The following NEK1 variants were observed in gnomAD, a reference collection of about 807,000 sequenced individuals.
NEK1 encodes the protein NIMA related kinase 1, also known as serine/threonine-protein kinase Nek1.
Under a neutral mutation model 182.1 loss-of-function variants are expected in NEK1, and 137 were observed. The ratio of observed to expected loss-of-function variants is 0.75; its 90% CI spans 0.65 to 0.87. The LOEUF (loss-of-function observed/expected upper bound fraction) is 0.87, where lower values mean the gene tolerates loss of function less well. NEK1 is among the 40% of genes least tolerant of loss of function. The pLI, the probability that NEK1 is intolerant of heterozygous loss-of-function variation, is 0.00. For missense variants in NEK1, 1,391 were observed against 1,494.4 expected (o/e 0.93, Z 1.14); for synonymous variants, 513 against 492.2 (o/e 1.04, Z -0.56).
At chr4:169,545,269 G>T (rs1760216219) in intron 18 of NEK1, among the ~76,000 whole-genome samples, 1 of 139,158 alleles carries the variant, frequency 7.2e-6, no homozygotes, top group South Asian at 2.2e-4. Flanking sequence ...TGATCTCATT[G>T]TTCAATTCCC....
chr4:169,479,253 A>G (rs1747537478), intron 24 of NEK1, 150 bp downstream of exon 24: 4 of 691,342 alleles, frequency 5.8e-6, no homozygotes, highest in Non-Finnish European at 4.6e-6. Flanking sequence ...AGGCTCCAGT[A>G]TTCTGAGTAA....
chr4:169,501,855 A>C (rs1189586611), intron 23 of NEK1, among the ~76,000 whole-genome samples: 1 of 152,232 alleles, frequency 6.6e-6, no homozygotes, highest in East Asian at 1.9e-4. Context: ...AAGAACAAAA[A>C]GAAACTAAAT....
intron 5 of NEK1, 35 bp downstream of exon 5, chr4:169,599,065 T>C (rs773049702): frequency 2.7e-6 from 4 of 1,506,826 alleles, no homozygotes; most frequent in East Asian, 2.3e-5. Context: ...TTCTCAATAA[T>C]AGAGTAAGAG....
At chr4:169,580,991 T>C in intron 10 of NEK1, 89 bp from the exon 11 acceptor site, 2 of 606,222 alleles carry the variant, frequency 3.3e-6, no homozygotes, top group Non-Finnish European at 5.7e-6. Flanking sequence ...CTTCCCCTTT[T>C]TCAGTAGTAA....
intron 26 of NEK1, among the ~76,000 whole-genome samples, chr4:169,468,869 G>A (rs1324046011): frequency 6.6e-6 from 1 of 151,924 alleles, no homozygotes; most frequent in East Asian, 1.9e-4. Flanking sequence ...GTCCAGGAAT[G>A]TATCTATTTC....
chr4:169,463,540 G>A (rs1579883188), intron 26 of NEK1, 145 bp from the exon 27 acceptor site: 2 of 446,852 alleles, frequency 4.5e-6, no homozygotes, highest in East Asian at 6.8e-5. Flanking sequence ...AAAGAATGAT[G>A]AATAATGGCA....
intron 27 of NEK1, among the ~76,000 whole-genome samples, chr4:169,457,073 G>C (rs770137989): frequency 7.2e-5 from 11 of 152,132 alleles, no homozygotes; most frequent in Non-Finnish European, 1.5e-4. Flanking sequence ...GGGTGGTGGT[G>C]GTGGGTGGTG....
At chr4:169,401,617 G>A (rs749492819) in intron 33 of NEK1, 35 bp downstream of exon 33, 1 of 1,580,452 alleles carries the variant, frequency 6.3e-7, no homozygotes. Context: ...TTTGTAAACT[G>A]AAAAAGAAAA....
rs537991908 is a variant in NEK1 at position 169,584,703 on chromosome 4, G to A, written c.807+646C>T. On this transcript the variant is annotated intron_variant, in intron 10 of 35. Coordinates refer to ENST00000507142, the MANE Select transcript of NEK1 (RefSeq NM_001199397.3). ...AAATATTTTGAGCACTTACATGCTA[G>A]ACATTAAGCACTTTATGTGTATTAT... Among the ~76,000 whole-genome samples the A allele has an allele frequency of 2.2e-4, 34 of 152,306 alleles. No individual in the cohort carries two copies. In the East Asian group the frequency reaches 6.2e-3, roughly 28 times the overall value.
At chr4:169,562,934 T>C (rs1763141658) in intron 12 of NEK1, among the ~76,000 whole-genome samples, 1 of 152,228 alleles carries the variant, frequency 6.6e-6, no homozygotes, top group Admixed American at 6.5e-5. Context: ...TGCTCAACAC[T>C]GTTTTCAAGG....
intron 18 of NEK1, among the ~76,000 whole-genome samples, chr4:169,542,496 T>C (rs1056897871): frequency 2.0e-5 from 3 of 152,258 alleles, no homozygotes. Context: ...GAATGATTTA[T>C]AATCCTTTGG....
At chr4:169,482,819 G>GT (rs1399939590) in intron 23 of NEK1, among the ~76,000 whole-genome samples, 1 of 151,914 alleles carries the variant, frequency 6.6e-6, no homozygotes, top group African/African-American at 2.4e-5. Context: ...TGTATTTTTA[G>GT]TAGAGATGGG....
At chr4:169,518,519 G>T (rs1755515426) in intron 19 of NEK1, among the ~76,000 whole-genome samples, 1 of 99,162 alleles carries the variant, frequency 1.0e-5, no homozygotes, top group Admixed American at 9.8e-5. Flanking sequence ...GTTCTGCTCT[G>T]ATTTTAGTTA....
chr4:169,470,858 TATTTC>T (rs143716318), intron 26 of NEK1, among the ~76,000 whole-genome samples: 1,816 of 152,336 alleles, frequency 0.012, 32 homozygotes, highest in African/African-American at 0.041. Flanking sequence ...CTTCACTCTT[TATTTC>T]ATTAGGTTGA....
At chr4:169,413,863 A>C (rs779952745) in intron 31 of NEK1, among the ~76,000 whole-genome samples, 8 of 152,078 alleles carry the variant, frequency 5.3e-5, no homozygotes, top group Non-Finnish European at 1.0e-4. Flanking sequence ...CTAAAAATAC[A>C]AAAATTAGCT....
intron 12 of NEK1, among the ~76,000 whole-genome samples, chr4:169,575,514 T>G (rs1298087980): frequency 1.3e-5 from 2 of 152,158 alleles, no homozygotes; most frequent in African/African-American, 2.4e-5. Flanking sequence ...CCCTGTGAGT[T>G]TCAGCAGCAC....
intron 27 of NEK1, among the ~76,000 whole-genome samples, chr4:169,451,299 A>G (rs781067810): frequency 6.6e-6 from 1 of 152,236 alleles, no homozygotes; most frequent in Non-Finnish European, 1.5e-5. Flanking sequence ...ATAGACATCT[A>G]CAGAACTCTC....
At chr4:169,398,959 C>G (rs7694502) in intron 35 of NEK1, among the ~76,000 whole-genome samples, 53,943 of 151,958 alleles carry the variant, frequency 0.35, 9,948 homozygotes, top group South Asian at 0.46. Context: ...TTTGTGTCTA[C>G]AAGTTTTGCC....
chr4:169,601,984 A>T (rs372937830), intron 4 of NEK1, 24 bp downstream of exon 4: 44 of 1,501,974 alleles, frequency 2.9e-5, no homozygotes, highest in Non-Finnish European at 4.1e-5. Context: ...GGATTTTTTA[A>T]CTCTCTCGCA....
Sources: allele counts gnomAD v4.1 joint callset (sites outside exome capture counted in the v4.1 genomes callset), GRCh38; gene constraint gnomAD v4.1.1; transcripts MANE v1.5; gene names NCBI Gene and HGNC (gene_info 2026-07-23, HGNC 2026-07-21).